PFKFB3: variants seen among roughly 807,000 people sequenced by gnomAD.
PFKFB3 encodes 6-phosphofructo-2-kinase/fructose-2,6-bisphosphatase 3.
PFKFB3 carries 33 observed loss-of-function variants against 68.0 expected under a neutral mutation model. The observed-to-expected ratio is 0.49, with a 90% CI of 0.37 to 0.65. The LOEUF (loss-of-function observed/expected upper bound fraction) is 0.65. Among genes scored for constraint, PFKFB3 ranks in the 30% least tolerant of loss-of-function variants. PFKFB3 has a pLI of 0.00. For missense variants in PFKFB3, 586 were observed against 712.2 expected (o/e 0.82, Z 2.02); for synonymous variants, 315 against 288.2 (o/e 1.09, Z -0.94).
intron 14 of PFKFB3, among the ~76,000 whole-genome samples, chr10:6,231,942 C>T (rs1326838960): frequency 2.0e-5 from 3 of 152,204 alleles, no homozygotes; most frequent in East Asian, 3.9e-4. Context: ...GTCTGGCCCA[C>T]GCCTGGGCGA....
At chr10:6,205,189 A>G (rs1195868970) in intron 1 of PFKFB3, among the ~76,000 whole-genome samples, 1 of 148,430 alleles carries the variant, frequency 6.7e-6, no homozygotes, top group Admixed American at 7.0e-5. Context: ...TCTCAGACAC[A>G]TTCCTTCTTG....
chr10:6,302,822 G>T, the PFKFB3 span, among the ~76,000 whole-genome samples: 17 of 151,958 alleles, frequency 1.1e-4, no homozygotes, highest in African/African-American at 3.1e-4. Context: ...GTGTGTGTGT[G>T]TTTTATGTGA....
intron 13 of PFKFB3, chr10:6,225,181 G>A (rs903387030): frequency 2.2e-6 from 1 of 456,326 alleles, no homozygotes; most frequent in Non-Finnish European, 4.4e-6. Flanking sequence ...GTACAACACT[G>A]TGCTAGTACT....
rs541702047 is a variant in PFKFB3 at position 6,169,592 on chromosome 10, A to T, written c.16+24579A>T. Among the ~76,000 whole-genome samples, 6 of 152,260 alleles carry T rather than the reference A, an allele frequency of 3.9e-5. No homozygotes were observed. The South Asian group carries it at 1.2e-3, about 32-fold the overall frequency. ...AGATGGGTATGAACTTGCTGCGCTGATGGTGAAGGCGGGTGGCTGAGGAAC... is the reference window on the plus strand; with the variant it reads ...AGATGGGTATGAACTTGCTGCGCTGTTGGTGAAGGCGGGTGGCTGAGGAAC... On this transcript the variant is annotated intron_variant, in intron 1 of 14. Transcript: ENST00000379789.
intron 13 of PFKFB3, 88 bp from the exon 14 acceptor site, chr10:6,226,104 C>A: frequency 8.3e-7 from 1 of 1,208,882 alleles, no homozygotes; most frequent in Non-Finnish European, 1.2e-6. Flanking sequence ...TCTCTAAAAT[C>A]CAGGAGCAGA....
chr10:6,170,425 A>G (rs1343100465), intron 1 of PFKFB3, among the ~76,000 whole-genome samples: 1 of 152,186 alleles, frequency 6.6e-6, no homozygotes, highest in Non-Finnish European at 1.5e-5. Context: ...GAAAATATAA[A>G]CTGGACTACA....
At chr10:6,206,045 A>G (rs1227401764) in intron 1 of PFKFB3, among the ~76,000 whole-genome samples, 1 of 151,158 alleles carries the variant, frequency 6.6e-6, no homozygotes, top group East Asian at 1.9e-4. Context: ...GTCATAGGAC[A>G]ATAGTGGAGG....
At chr10:6,272,659 A>T in the PFKFB3 span, among the ~76,000 whole-genome samples, 1 of 151,982 alleles carries the variant, frequency 6.6e-6, no homozygotes, top group Non-Finnish European at 1.5e-5. Context: ...CGTGCCATTG[A>T]ACTCCAGCCT....
At chr10:6,253,457 T>G (rs1846424800) in intron 14 of PFKFB3, among the ~76,000 whole-genome samples, 1 of 152,072 alleles carries the variant, frequency 6.6e-6, no homozygotes, top group Non-Finnish European at 1.5e-5. Context: ...CCAGGCCAGG[T>G]TGCAGACACC....
In PFKFB3 at chr10:6,202,986, C is replaced by G. The variant is rs1843433786; in HGVS notation, c.-275C>G. ...GGCCTGGTGGCGAGAGCGCGGCTGTCACTGCGCCCGAGCATCCCAGAGCTT... is the reference window on the plus strand; with the variant it reads ...GGCCTGGTGGCGAGAGCGCGGCTGTGACTGCGCCCGAGCATCCCAGAGCTT... On this transcript the variant is annotated 5_prime_UTR_variant, in exon 1 of 15. Coordinates refer to ENST00000379775, the MANE Select transcript of PFKFB3 (RefSeq NM_004566.4). The G allele has an allele frequency of 7.6e-7, 1 of 1,312,730 alleles. No individual in the cohort carries two copies. The highest frequency in any genetic ancestry group is 1.9e-5 in the South Asian group (1 of 53,420). The allele number at this position is 1,312,730 out of a possible 1,614,324, so 81.3% of individuals were successfully genotyped here.
intron 1 of PFKFB3, among the ~76,000 whole-genome samples, chr10:6,151,702 G>A (rs1034842838): frequency 1.3e-5 from 2 of 152,212 alleles, no homozygotes; most frequent in East Asian, 1.9e-4. Flanking sequence ...AGGGGCAAAC[G>A]GGAAGTCGGG....
upstream of PFKFB3, among the ~76,000 whole-genome samples, chr10:6,198,386 C>T (rs763895039): frequency 2.2e-4 from 33 of 152,310 alleles, 1 homozygote; most frequent in South Asian, 5.8e-3. Flanking sequence ...AGTCACTTCA[C>T]CCAGAGCCAG....
chr10:6,256,848 C>T (rs1300512910), downstream of PFKFB3, among the ~76,000 whole-genome samples: 4 of 152,048 alleles, frequency 2.6e-5, no homozygotes, highest in African/African-American at 7.2e-5. Context: ...GGGAACCGTG[C>T]GAAGGGAGAC....
chr10:6,189,539 C>T lies in PFKFB3; in HGVS notation c.17-24084C>T, dbSNP rs191130485. Among the ~76,000 whole-genome samples the T allele has an allele frequency of 1.7e-3, 226 of 135,768 alleles. 2 individuals are homozygous for T. The highest frequency in any genetic ancestry group is 5.9e-3 in the African/African-American group (214 of 35,988). The allele number at this position is 135,768 out of a possible 152,430, so 89.1% of individuals were successfully genotyped here. A position where few individuals can be genotyped will look rare whatever the true frequency, so the allele number is the denominator to read the frequency against. On this transcript the variant is annotated intron_variant, in intron 1 of 14. Coordinates refer to the PFKFB3 transcript ENST00000379789. ...TTTTTTTTTTTTTTTTTTTGGGAGA[C>T]AGTCTCGCTCTGTCACCCAGGCTGG...
upstream of PFKFB3, among the ~76,000 whole-genome samples, chr10:6,198,671 C>T (rs551901016): frequency 4.7e-4 from 72 of 152,160 alleles, no homozygotes; most frequent in African/African-American, 1.6e-3. Flanking sequence ...TTAGTAAAGA[C>T]GAGGTTTTGC....
At chr10:6,156,503 A>ATTAC (rs1190710353) in intron 1 of PFKFB3, among the ~76,000 whole-genome samples, 4 of 148,194 alleles carry the variant, frequency 2.7e-5, no homozygotes, top group Non-Finnish European at 5.9e-5. Flanking sequence ...TAATTAATTA[A>ATTAC]TTACTTTTTA....
chr10:6,170,916 G>A (rs940055364), intron 1 of PFKFB3, among the ~76,000 whole-genome samples: 1 of 152,168 alleles, frequency 6.6e-6, no homozygotes, highest in Non-Finnish European at 1.5e-5. Context: ...GTCCCCAGGG[G>A]AAATCTGCCT....
At chr10:6,160,936 TA>T (rs1035656245) in intron 1 of PFKFB3, among the ~76,000 whole-genome samples, 2 of 152,066 alleles carry the variant, frequency 1.3e-5, no homozygotes, top group African/African-American at 2.4e-5. Context: ...TTTTTTAATT[TA>T]TTTTTTTATT....
intron 11 of PFKFB3, among the ~76,000 whole-genome samples, chr10:6,223,331 ACT>A (rs1299274646): frequency 1.3e-5 from 2 of 151,984 alleles, no homozygotes; most frequent in African/African-American, 4.8e-5. Flanking sequence ...AGCCCGGAAA[ACT>A]CTGACAATCC....
Sources: gnomAD v4.1 joint callset for allele counts (sites outside exome capture counted in the v4.1 genomes callset) on GRCh38, gnomAD v4.1.1 for gene constraint, MANE v1.5 for transcripts, NCBI Gene and HGNC (gene_info 2026-07-23, HGNC 2026-07-21) for gene names.